PCDHGA5: variants seen among roughly 807,000 people sequenced by gnomAD.
PCDHGA5 encodes the protein protocadherin gamma subfamily A, 5.
PCDHGA5 carries 36 observed loss-of-function variants against 56.7 expected under a neutral mutation model. The observed-to-expected ratio is 0.64, with a 90% CI of 0.49 to 0.84. PCDHGA5 has a LOEUF of 0.84. Ranked by LOEUF, PCDHGA5 falls within the 40% of genes least tolerant of loss-of-function variation. PCDHGA5 has a pLI of 0.00. For synonymous variants in PCDHGA5, 563 were observed against 520.2 expected, an observed-to-expected ratio of 1.08 and a Z score of -1.12; for missense variants, 1,305 against 1,201.5, an observed-to-expected ratio of 1.09 and a Z score of -1.27.
chr5:141,476,978 C>A lies in PCDHGA5; in HGVS notation c.2422-17829C>A, dbSNP rs1468851988. The A allele has an allele frequency of 2.5e-6, 4 of 1,614,138 alleles. No individual in the cohort carries two copies. Among genetic ancestry groups the A allele is most frequent in the Admixed American group, 3.3e-5 (2 of 60,012 alleles). On this transcript the variant is annotated intron_variant, in intron 1 of 3. Transcript: ENST00000518069. This position sits in a 1 kb window ranked among gnomAD's most constrained non-coding sequence, Gnocchi z 7.6. ...TATTTACTCCTTCGGCAGCCACAAC[C>A]GCGCCGGCGTGCGGCAACTATTCGC...
chr5:141,424,140 C>A, intron 1 of PCDHGA5: 1 of 356,082 alleles, frequency 2.8e-6, no homozygotes, highest in Non-Finnish European at 4.1e-6. Flanking sequence ...TAATAGCATG[C>A]TCCCTCTAGC....
chr5:141,464,263 TAAA>T (rs35224477), intron 1 of PCDHGA5, among the ~76,000 whole-genome samples: 2 of 103,604 alleles, frequency 1.9e-5, no homozygotes, highest in Non-Finnish European at 1.9e-5. Flanking sequence ...AGACTCCGTC[TAAA>T]AAAAAAAAAA....
At chr5:141,473,939 C>T (rs1301939679) in intron 1 of PCDHGA5, among the ~76,000 whole-genome samples, 2 of 152,068 alleles carry the variant, frequency 1.3e-5, no homozygotes, top group African/African-American at 2.4e-5. Context: ...TGCAGTAGCT[C>T]AGGCCTGTAG....
Position 141,419,305 on chromosome 5 carries a change from G to A in PCDHGA5, c.2421+52554G>A, listed in dbSNP as rs778360128. ...TCAGTGCCTCTGACCCAGACTTCGGGCTCAACGGCCGTGTCTCCTACTCTC... is the reference window on the plus strand; with the variant it reads ...TCAGTGCCTCTGACCCAGACTTCGGACTCAACGGCCGTGTCTCCTACTCTC... On this transcript the variant is annotated intron_variant, in intron 1 of 3. Transcript: ENST00000518069. The A allele has an allele frequency of 3.1e-6, 5 of 1,613,906 alleles. No individual in the cohort carries two copies. The East Asian group carries it at 1.1e-4, about 36-fold the overall frequency.
At chr5:141,403,551 T>G in intron 1 of PCDHGA5, 1 of 1,613,986 alleles carries the variant, frequency 6.2e-7, no homozygotes, top group Non-Finnish European at 8.5e-7. Context: ...GAGCGCGCCC[T>G]GGACAGGGAG....
chr5:141,417,940 C>A, intron 1 of PCDHGA5: 2 of 1,613,054 alleles, frequency 1.2e-6, no homozygotes, highest in Non-Finnish European at 1.7e-6. Flanking sequence ...TGTTCTACCC[C>A]ACGCTGTGTG....
chr5:141,429,389 A>T (rs6890456), intron 1 of PCDHGA5, among the ~76,000 whole-genome samples: 7,460 of 147,570 alleles, frequency 0.051, 197 homozygotes, highest in South Asian at 0.075. Flanking sequence ...TTTTTTTTTA[A>T]AAAAAATTGA....
chr5:141,432,528 A>T lies in PCDHGA5; in HGVS notation c.2422-62279A>T. The T allele has an allele frequency of 1.2e-6, 2 of 1,613,804 alleles. No homozygotes were observed. The highest frequency in any genetic ancestry group is 1.7e-6 in the Non-Finnish European group (2 of 1,180,000). ...GCAGAGCCCGGCTACCTGGTGACCA[A>T]GGTGGTGGCGGTGGACAGAGACTCC... is the stretch of plus-strand genomic sequence containing the variant. On this transcript the variant is annotated intron_variant, in intron 1 of 3. Transcript: ENST00000518069. This position sits in a 1 kb window ranked among gnomAD's most constrained non-coding sequence, Gnocchi z 6.0.
chr5:141,487,596 A>T lies in PCDHGA5; in HGVS notation c.2422-7211A>T. The stretch of plus-strand genomic sequence containing the variant: ...GTTCGCCCAAGCTGCCCACCCTCTG[A>T]TCTTCTCTATGGGCTAGAGGTGAGA... On this transcript the variant is annotated intron_variant, in intron 1 of 3. Transcript: ENST00000518069. The surrounding 1 kb of genome is among the most constrained non-coding windows in gnomAD (Gnocchi z 5.0). The T allele has an allele frequency of 1.2e-6, 2 of 1,614,108 alleles. No individual in the cohort carries two copies. Among genetic ancestry groups the T allele is most frequent in the Non-Finnish European group, 8.5e-7 (1 of 1,180,024 alleles).
Position 141,427,474 on chromosome 5 carries a change from A to T in PCDHGA5, c.2421+60723A>T, listed in dbSNP as rs373512099. On this transcript the variant is annotated intron_variant, in intron 1 of 3. Transcript: ENST00000518069. The stretch of plus-strand genomic sequence containing the variant: ...CCTTTTAGAATCGAATCTTCCGCCA[A>T]TAATGACTATAAGCTTGTAACAGAT... 10 of 520,294 alleles carry T rather than the reference A, an allele frequency of 1.9e-5. No individual in the cohort carries two copies. In the East Asian group the frequency reaches 2.1e-4, roughly 11 times the overall value. The allele number at this position is 520,294 out of a possible 1,614,324, so 32.2% of individuals were successfully genotyped here. A position where few individuals can be genotyped will look rare whatever the true frequency, so the allele number is the denominator to read the frequency against.
chr5:141,413,190 G>A (rs965319802), intron 1 of PCDHGA5: 11 of 1,607,556 alleles, frequency 6.8e-6, no homozygotes, highest in East Asian at 2.2e-5. Flanking sequence ...CCGCTCAAAG[G>A]AATCGCTCAA....
intron 1 of PCDHGA5, among the ~76,000 whole-genome samples, chr5:141,467,047 A>G (rs1271306217): frequency 1.3e-5 from 2 of 149,986 alleles, no homozygotes; most frequent in East Asian, 3.9e-4. Context: ...GTAATGAATC[A>G]ATGTTTTCTT....
At chr5:141,397,183 T>C (rs1319444729) in intron 1 of PCDHGA5, among the ~76,000 whole-genome samples, 2 of 152,190 alleles carry the variant, frequency 1.3e-5, no homozygotes, top group East Asian at 3.8e-4. Flanking sequence ...AATGAATTTA[T>C]GTACTGTAAA....
chr5:141,372,935 T>C, intron 1 of PCDHGA5: 2 of 830,688 alleles, frequency 2.4e-6, no homozygotes, highest in Non-Finnish European at 3.6e-6. Context: ...TGGTGTAGAG[T>C]AGGGTGTCTA....
At chr5:141,386,116 T>G (rs376387323) in intron 1 of PCDHGA5, 1 of 152,146 alleles carries the variant, frequency 6.6e-6, no homozygotes, top group Admixed American at 6.6e-5. Context: ...GCTATCAAAG[T>G]GGGAGATTGG....
rs367905789 is a variant in PCDHGA5 at position 141,487,335 on chromosome 5, G to A, written c.2422-7472G>A. 11 of 1,614,064 alleles carry A rather than the reference G, an allele frequency of 6.8e-6. No individual in the cohort carries two copies. The highest frequency in any genetic ancestry group is 8.5e-6 in the Non-Finnish European group (10 of 1,180,044). Reference sequence around the variant, plus strand: ...TCTAAGTGTCTTCGTGGGGCAGCCTGTGGAGTCACATGCTTTCCTGCTGGC... The same window carrying A: ...TCTAAGTGTCTTCGTGGGGCAGCCTATGGAGTCACATGCTTTCCTGCTGGC... On this transcript the variant is annotated intron_variant, in intron 1 of 3. Transcript: ENST00000518069. This position sits in a 1 kb window ranked among gnomAD's most constrained non-coding sequence, Gnocchi z 5.0.
rs2097422953 is a variant in PCDHGA5 at position 141,431,840 on chromosome 5, C to A, written c.2422-62967C>A. The A allele has an allele frequency of 1.9e-6, 3 of 1,614,248 alleles. No homozygotes were observed. The highest frequency in any genetic ancestry group is 1.6e-4 in the Middle Eastern group (1 of 6,062). ...CGCCAGCTCGGTTCCCGAAAACTCT[C>A]CCAGAGGGACATTAATTGCCCTTTT... On this transcript the variant is annotated intron_variant, in intron 1 of 3. Transcript: ENST00000518069. The surrounding 1 kb of genome is among the most constrained non-coding windows in gnomAD (Gnocchi z 4.8).
intron 1 of PCDHGA5, among the ~76,000 whole-genome samples, chr5:141,474,114 C>T (rs940809934): frequency 2.6e-5 from 4 of 152,224 alleles, no homozygotes; most frequent in South Asian, 2.1e-4. Context: ...ACAACAACAA[C>T]GAAAATCTCA....
At position 141,399,853 on chromosome 5, in the gene PCDHGA5, C is replaced by T. The variant is rs530551805; in HGVS notation, c.2421+33102C>T. 48 of 1,612,978 alleles carry T rather than the reference C, an allele frequency of 3.0e-5. 1 individual carries two copies. In the East Asian group the frequency reaches 9.4e-4, roughly 31 times the overall value. On this transcript the variant is annotated intron_variant, in intron 1 of 3. Transcript: ENST00000518069. ...CTCTGCGCTCTTCGATATGGTGCCGCGCGCTGCAGAGCCCGGCTACCTGGT... is the reference window on the plus strand; with the variant it reads ...CTCTGCGCTCTTCGATATGGTGCCGTGCGCTGCAGAGCCCGGCTACCTGGT...
Sources: gnomAD v4.1 joint callset for allele counts (sites outside exome capture counted in the v4.1 genomes callset) on GRCh38, gnomAD v4.1.1 for gene constraint, Gnocchi (gnomAD v3.1) non-coding constraint, MANE v1.5 for transcripts, NCBI Gene and HGNC (gene_info 2026-07-23, HGNC 2026-07-21) for gene names.